CNOT4: variants seen among roughly 807,000 people sequenced by gnomAD.
CNOT4 encodes the protein CCR4-associated factor 4.
CNOT4 carries 8 observed loss-of-function variants against 73.8 expected under a neutral mutation model. The ratio of observed to expected loss-of-function variants is 0.11; its 90% CI spans 0.06 to 0.20. CNOT4 has a LOEUF of 0.20. Ranked by LOEUF, CNOT4 falls within the 10% of genes least tolerant of loss-of-function variation. CNOT4 has a pLI of 1.00. For missense variants in CNOT4, 564 were observed against 883.4 expected (o/e 0.64, Z 4.58); for synonymous variants, 293 against 321.1 (o/e 0.91, Z 0.94).
chr7:135,369,173 C>T (rs1020776336), intron 10 of CNOT4, among the ~76,000 whole-genome samples: 1 of 152,074 alleles, frequency 6.6e-6, no homozygotes, highest in Non-Finnish European at 1.5e-5. Flanking sequence ...AGATCTGCTG[C>T]TAAAAGGGTA....
At chr7:135,473,163 A>C (rs1305799583) in intron 1 of CNOT4, among the ~76,000 whole-genome samples, 1 of 152,198 alleles carries the variant, frequency 6.6e-6, no homozygotes, top group Non-Finnish European at 1.5e-5. Flanking sequence ...AAGAGTCCTG[A>C]AAGTGTCATA....
chr7:135,407,184 A>G (rs562946580), intron 7 of CNOT4, among the ~76,000 whole-genome samples: 6 of 152,340 alleles, frequency 3.9e-5, no homozygotes, highest in African/African-American at 1.4e-4. Flanking sequence ...CCAGAAGCCA[A>G]GTGATGTCAG....
chr7:135,407,476 A>G (rs1221861252), intron 7 of CNOT4, among the ~76,000 whole-genome samples: 1 of 152,234 alleles, frequency 6.6e-6, no homozygotes, highest in African/African-American at 2.4e-5. Context: ...TAAAGAGTAA[A>G]TAAAACACTA....
chr7:135,469,325 A>G (rs1386806903), intron 1 of CNOT4, among the ~76,000 whole-genome samples: 1 of 152,226 alleles, frequency 6.6e-6, no homozygotes, highest in East Asian at 1.9e-4. Flanking sequence ...GTATTTAAAT[A>G]TTTGAGAATG....
chr7:135,452,836 CAGG>C (rs1380919065), intron 1 of CNOT4, among the ~76,000 whole-genome samples: 2 of 151,966 alleles, frequency 1.3e-5, no homozygotes, highest in African/African-American at 2.4e-5. Flanking sequence ...AGGAGGAGGC[CAGG>C]AGTTTATAAA....
intron 1 of CNOT4, among the ~76,000 whole-genome samples, chr7:135,439,730 T>C (rs116567329): frequency 0.02 from 3,051 of 152,256 alleles, 110 homozygotes; most frequent in African/African-American, 0.07. Flanking sequence ...CAGTGAGCTA[T>C]AACTGTGCCA....
chr7:135,398,785 T>C (rs1345822890), intron 7 of CNOT4, among the ~76,000 whole-genome samples: 1 of 152,108 alleles, frequency 6.6e-6, no homozygotes, highest in Non-Finnish European at 1.5e-5. Flanking sequence ...GTGCATGTGA[T>C]AAACATATTC....
intron 3 of CNOT4, among the ~76,000 whole-genome samples, chr7:135,418,665 T>C (rs1435415612): frequency 6.6e-6 from 1 of 152,198 alleles, no homozygotes; most frequent in Non-Finnish European, 1.5e-5. Flanking sequence ...AGTTTCTTAT[T>C]TGTAAAATGA....
At position 135,453,169 on chromosome 7, in the gene CNOT4, A is replaced by T. The variant is rs151106222; in HGVS notation, c.-92-14746T>A. 2.0e-5 allele frequency among the ~76,000 whole-genome samples: 3 copies of T among 152,318 alleles called. No individual in the cohort carries two copies. In the East Asian group the frequency reaches 5.8e-4, roughly 29 times the overall value. ...CTCCTATAAATTAGTCTTTTTAGAG[A>T]TACTTCTGTACATCAATTTACAGTA... On this transcript the variant is annotated intron_variant, in intron 1 of 11. Transcript: ENST00000541284.
At chr7:135,415,017 G>A (rs1002099561) in intron 4 of CNOT4, among the ~76,000 whole-genome samples, 159 bp downstream of exon 4, 1 of 151,852 alleles carries the variant, frequency 6.6e-6, no homozygotes, top group African/African-American at 2.4e-5. Context: ...GGTCAAATAA[G>A]CAGCAAAAAA....
At chr7:135,409,007 T>A (rs1171741786) in intron 7 of CNOT4, among the ~76,000 whole-genome samples, 1 of 152,200 alleles carries the variant, frequency 6.6e-6, no homozygotes, top group East Asian at 1.9e-4. Context: ...AGACAACAAA[T>A]GTTATCTCAA....
At chr7:135,407,302 A>G (rs1397430974) in intron 7 of CNOT4, among the ~76,000 whole-genome samples, 1 of 152,218 alleles carries the variant, frequency 6.6e-6, no homozygotes, top group African/African-American at 2.4e-5. Flanking sequence ...CAGACTAAAC[A>G]CAGTAAAAGC....
At chr7:135,489,837 A>C (rs1371334093) in intron 1 of CNOT4, among the ~76,000 whole-genome samples, 2 of 152,232 alleles carry the variant, frequency 1.3e-5, no homozygotes. Context: ...ATCTAAAAGA[A>C]TGCAAAATCA....
At chr7:135,459,923 G>C (rs1359655405) in intron 1 of CNOT4, among the ~76,000 whole-genome samples, 1 of 152,212 alleles carries the variant, frequency 6.6e-6, no homozygotes, top group East Asian at 1.9e-4. Context: ...CTGGACAACT[G>C]ACTACAGTTT....
chr7:135,444,337 G>C, intron 1 of CNOT4: 1 of 633,816 alleles, frequency 1.6e-6, no homozygotes, highest in Non-Finnish European at 2.9e-6. Flanking sequence ...CAGTATTTTT[G>C]ACAATAGCCA....
chr7:135,382,793 C>T (rs190205078), intron 10 of CNOT4, among the ~76,000 whole-genome samples: 4 of 152,232 alleles, frequency 2.6e-5, no homozygotes, highest in East Asian at 1.9e-4. Flanking sequence ...TTAAAATATA[C>T]GGCCTCCCAT....
At chr7:135,441,766 T>G (rs963691159) in intron 1 of CNOT4, among the ~76,000 whole-genome samples, 2 of 152,208 alleles carry the variant, frequency 1.3e-5, no homozygotes, top group Non-Finnish European at 2.9e-5. Context: ...GATATACTGA[T>G]GTTTTGCTTT....
intron 10 of CNOT4, among the ~76,000 whole-genome samples, chr7:135,374,140 C>T (rs182264656): frequency 2.0e-5 from 3 of 152,246 alleles, no homozygotes; most frequent in Admixed American, 2.0e-4. Context: ...CCTTATATAT[C>T]CCACGGCCTA....
intron 2 of CNOT4, among the ~76,000 whole-genome samples, chr7:135,433,835 G>A (rs1798999273): frequency 6.6e-6 from 1 of 152,118 alleles, no homozygotes; most frequent in African/African-American, 2.4e-5. Context: ...TCCACTAGTA[G>A]CTTTCTCAGA....
Sources: allele counts gnomAD v4.1 joint callset (sites outside exome capture counted in the v4.1 genomes callset), GRCh38; gene constraint gnomAD v4.1.1; transcripts MANE v1.5; gene names NCBI Gene and HGNC (gene_info 2026-07-23, HGNC 2026-07-21).